The following ERAP1 variants were observed in gnomAD, a reference collection of about 807,000 sequenced individuals.
ERAP1 encodes adipocyte-derived leucine aminopeptidase.
Under a neutral mutation model 103.7 loss-of-function variants are expected in ERAP1, and 86 were observed. The observed-to-expected ratio is 0.83, with a 90% confidence interval of 0.70 to 0.99. The LOEUF (loss-of-function observed/expected upper bound fraction) is 0.99, where lower values mean the gene tolerates loss of function less well. Among genes scored for constraint, ERAP1 ranks in the 50% least tolerant of loss-of-function variants. ERAP1 has a pLI of 0.00. For synonymous variants in ERAP1, 398 were observed against 402.4 expected, an observed-to-expected ratio of 0.99 and a Z score of 0.13; for missense variants, 1,009 against 1,128.4, an observed-to-expected ratio of 0.89 and a Z score of 1.52.
chr5:96,883,484 A>G, the ERAP1 span, among the ~76,000 whole-genome samples: 1 of 152,212 alleles, frequency 6.6e-6, no homozygotes, highest in African/African-American at 2.4e-5. Flanking sequence ...TATTTCAGTC[A>G]TTTACTGGCT....
At chr5:96,899,232 T>TTCTGAC in the ERAP1 span, among the ~76,000 whole-genome samples, 94,317 of 151,554 alleles carry the variant, frequency 0.62, 29,483 homozygotes, top group South Asian at 0.73. Context: ...AAAATTTGTC[T>TTCTGAC]TCTAAGTCCA....
At chr5:96,922,659 G>C in the ERAP1 span, among the ~76,000 whole-genome samples, 2 of 152,210 alleles carry the variant, frequency 1.3e-5, no homozygotes, top group Admixed American at 6.5e-5. Context: ...GAACCAGACA[G>C]AGCTCGCAGT....
the ERAP1 span, among the ~76,000 whole-genome samples, chr5:96,900,614 G>A: frequency 0.54 from 82,243 of 151,938 alleles, 22,328 homozygotes; most frequent in Admixed American, 0.59. Flanking sequence ...CACAGGGGAA[G>A]AAAGGAAAAC....
At chr5:96,918,777 G>A in the ERAP1 span, 1 of 152,138 alleles carries the variant, frequency 6.6e-6, no homozygotes, top group African/African-American at 2.4e-5. Context: ...TGCAGAATTA[G>A]ATTGTATTGT....
At position 96,774,696 on chromosome 5, in the gene ERAP1, A is replaced by T; in HGVS notation, c.*1700T>A. ...TTTTACATTAAAATCTTGGTTGTGT[A>T]TTTTTTTAAAAGAAGGGAAATAGTT... is the stretch of plus-strand genomic sequence containing the variant. On this transcript the variant is annotated 3_prime_UTR_variant, in exon 19 of 19. Coordinates refer to ENST00000443439, the MANE Select transcript of ERAP1 (RefSeq NM_001040458.3). 1 of 982,762 alleles carries T rather than the reference A, an allele frequency of 1.0e-6. No individual in the cohort carries two copies. The highest frequency in any genetic ancestry group is 1.2e-6 in the Non-Finnish European group (1 of 827,388). The allele number at this position is 982,762 out of a possible 1,614,324, so 60.9% of individuals were successfully genotyped here. A position where few individuals can be genotyped will look rare whatever the true frequency, so the allele number is the denominator to read the frequency against.
chr5:96,800,686 G>GAT (rs1025795367), intron 3 of ERAP1, among the ~76,000 whole-genome samples, 176 bp downstream of exon 3: 1 of 152,138 alleles, frequency 6.6e-6, no homozygotes, highest in African/African-American at 2.4e-5. Context: ...TTTTTACTTT[G>GAT]ATTACATATA....
At chr5:96,896,681 T>C in the ERAP1 span, 2 of 1,517,462 alleles carry the variant, frequency 1.3e-6, no homozygotes, top group South Asian at 2.6e-5. Context: ...AAACATACCA[T>C]ACTACCATTT....
the ERAP1 span, among the ~76,000 whole-genome samples, chr5:96,838,135 C>G: frequency 4.1e-4 from 63 of 152,256 alleles, no homozygotes; most frequent in African/African-American, 1.5e-3. Context: ...TCACTTTGGG[C>G]CGTGGTTCCA....
At chr5:96,895,724 T>C in the ERAP1 span, among the ~76,000 whole-genome samples, 8 of 152,186 alleles carry the variant, frequency 5.3e-5, no homozygotes, top group East Asian at 5.8e-4. Context: ...ATCAACATCA[T>C]TGGGGGTGTA....
At chr5:96,805,698 G>A (rs1021082392) in intron 1 of ERAP1, 1 of 152,248 alleles carries the variant, frequency 6.6e-6, no homozygotes, top group African/African-American at 2.4e-5. Flanking sequence ...TGCCCTTGAA[G>A]TTGGGGAACT....
At chr5:96,852,470 T>TTCTA in the ERAP1 span, among the ~76,000 whole-genome samples, 4 of 152,176 alleles carry the variant, frequency 2.6e-5, no homozygotes. Context: ...ACATCTAGGT[T>TTCTA]TCTAGCCTAG....
the ERAP1 span, among the ~76,000 whole-genome samples, chr5:96,856,568 G>A: frequency 3.3e-5 from 5 of 151,640 alleles, no homozygotes; most frequent in African/African-American, 4.8e-5. Context: ...AACATTTATG[G>A]AGCTAGAGCT....
the ERAP1 span, among the ~76,000 whole-genome samples, chr5:96,836,685 C>T: frequency 7.9e-5 from 12 of 152,126 alleles, no homozygotes; most frequent in Non-Finnish European, 1.2e-4. Context: ...AATAAGATTC[C>T]TTAGCACTTA....
At position 96,793,806 on chromosome 5, in the gene ERAP1, G is replaced by T; in HGVS notation, c.1071C>A (p.His357Gln). 6.2e-7 allele frequency: 1 copy of T among 1,612,990 alleles called. No homozygotes were observed. Among genetic ancestry groups the T allele is most frequent in the Non-Finnish European group, 8.5e-7 (1 of 1,179,128 alleles). Residue 357 changes from histidine (H) to glutamine (Q), a missense_variant, in exon 6 of 19, where the codon CAC (histidine) becomes CAA (glutamine). His to Gln is a conservative substitution (Grantham distance 24, BLOSUM62 0). Around this residue, in one of 3 missense-constraint regions of ERAP1, gnomAD observed 392 missense variants for 455.2 expected, o/e 0.86. Transcript: ENST00000443439. ...AAAAGTGTGAATGAGCTTATACCTG[G>T]TGAGCCAGTTCATGGGCCACAGTCA... ...ITMTVAHELA[H>Q]QWFGNLVTME... is the part of the protein sequence containing the mutation.
chr5:96,907,710 C>T, the ERAP1 span, among the ~76,000 whole-genome samples: 44 of 152,054 alleles, frequency 2.9e-4, no homozygotes, highest in Non-Finnish European at 5.6e-4. Context: ...GGTGAAATCC[C>T]GTCTCTACTA....
At chr5:96,829,528 C>T in the ERAP1 span, among the ~76,000 whole-genome samples, 2 of 152,202 alleles carry the variant, frequency 1.3e-5, no homozygotes, top group African/African-American at 4.8e-5. Flanking sequence ...AATCCAACAA[C>T]ACTAATCATT....
At chr5:96,787,797 T>C (rs1776237773) in intron 11 of ERAP1, among the ~76,000 whole-genome samples, 1 of 115,848 alleles carries the variant, frequency 8.6e-6, no homozygotes, top group Non-Finnish European at 1.9e-5. Flanking sequence ...TATATATATA[T>C]GTGTGTGTAT....
At chr5:96,913,533 TG>T in the ERAP1 span, 1 of 1,517,138 alleles carries the variant, frequency 6.6e-7, no homozygotes, top group Non-Finnish European at 9.1e-7. Context: ...TGTAATCAAA[TG>T]TTTCTCAAAG....
chr5:96,890,762 G>T, the ERAP1 span, among the ~76,000 whole-genome samples: 1 of 152,124 alleles, frequency 6.6e-6, no homozygotes, highest in African/African-American at 2.4e-5. Context: ...TAGTTCCTGA[G>T]TCTTACTCTG....
Sources: gnomAD v4.1 joint callset for allele counts (sites outside exome capture counted in the v4.1 genomes callset) on GRCh38, gnomAD v4.1.1 for gene constraint, gnomAD v4.1.1 regional missense constraint, MANE v1.5 for transcripts, NCBI Gene and HGNC (gene_info 2026-07-23, HGNC 2026-07-21) for gene names.